CNTNAP2: variants seen among roughly 807,000 people sequenced by gnomAD.
CNTNAP2 encodes the protein contactin-associated protein-like 2.
CNTNAP2 carries 98 observed loss-of-function variants against 155.2 expected under a neutral mutation model. The ratio of observed to expected loss-of-function variants is 0.63; its 90% confidence interval spans 0.54 to 0.75. CNTNAP2 has a LOEUF of 0.75. Ranked by LOEUF, CNTNAP2 falls within the 30% of genes least tolerant of loss-of-function variation. The pLI is 0.00. For missense variants in CNTNAP2, 1,727 were observed against 1,688.1 expected (o/e 1.02, Z -0.40); for synonymous variants, 651 against 631.2 (o/e 1.03, Z -0.47).
intron 1 of CNTNAP2, among the ~76,000 whole-genome samples, chr7:146,408,098 G>T (rs1198113188): frequency 1.3e-5 from 2 of 152,062 alleles, no homozygotes; most frequent in Non-Finnish European, 2.9e-5. Context: ...ACTGTATGGG[G>T]AGTCAGAACC....
Position 147,402,967 on chromosome 7 carries a change from A to AAAAC in CNTNAP2, c.1670+7190_1670+7191insCAAA, listed in dbSNP as rs1554480198. On this transcript the variant is annotated intron_variant, in intron 10 of 23. Transcript: ENST00000361727. The stretch of plus-strand genomic sequence containing the variant: ...AAATAATCCTGAAAAAAAAAAAAAA[A>AAAAC]AAAACTAGTTTAGGTCAGACATGCC... Among the ~76,000 whole-genome samples the AAAAC allele has an allele frequency of 1.6e-3, 239 of 145,900 alleles. 4 individuals carry two copies. Among genetic ancestry groups the AAAAC allele is most frequent in the Middle Eastern group, 3.5e-3 (1 of 284 alleles).
At chr7:146,377,036 T>C (rs1795313533) in intron 1 of CNTNAP2, among the ~76,000 whole-genome samples, 1 of 152,168 alleles carries the variant, frequency 6.6e-6, no homozygotes, top group Non-Finnish European at 1.5e-5. Flanking sequence ...CATTCTTATA[T>C]AAAATATACA....
chr7:147,095,603 C>T, intron 4 of CNTNAP2, among the ~76,000 whole-genome samples: 1 of 151,806 alleles, frequency 6.6e-6, no homozygotes, highest in African/African-American at 2.4e-5. Flanking sequence ...GTTTCATTGT[C>T]TTTCATTGTT....
chr7:148,022,808 G>A (rs530401752), intron 15 of CNTNAP2, among the ~76,000 whole-genome samples: 1 of 152,166 alleles, frequency 6.6e-6, no homozygotes, highest in Non-Finnish European at 1.5e-5. Context: ...TAGCCACACC[G>A]TCTGCCCGAT....
At chr7:147,368,093 C>T (rs1230409455) in intron 9 of CNTNAP2, among the ~76,000 whole-genome samples, 2 of 43,766 alleles carry the variant, frequency 4.6e-5, no homozygotes, top group Non-Finnish European at 1.0e-4. Flanking sequence ...CTCTCTCTCT[C>T]TGTCACACAC....
intron 3 of CNTNAP2, among the ~76,000 whole-genome samples, chr7:146,939,966 G>A (rs1393081794): frequency 6.6e-6 from 1 of 151,910 alleles, no homozygotes; most frequent in Non-Finnish European, 1.5e-5. Flanking sequence ...CCGGACTAAT[G>A]CTTACAGCAG....
chr7:146,439,893 G>T (rs1306485760), intron 1 of CNTNAP2, among the ~76,000 whole-genome samples: 1 of 151,536 alleles, frequency 6.6e-6, no homozygotes, highest in East Asian at 1.9e-4. Context: ...GGAGGCCTAC[G>T]CCAGTGGATC....
intron 13 of CNTNAP2, among the ~76,000 whole-genome samples, chr7:147,703,730 T>G (rs1305669145): frequency 6.6e-6 from 1 of 152,216 alleles, no homozygotes. Flanking sequence ...TTCTCTCTTC[T>G]TGCTGTTTTG....
At chr7:147,457,652 T>A (rs180729780) in intron 10 of CNTNAP2, among the ~76,000 whole-genome samples, 5 of 152,112 alleles carry the variant, frequency 3.3e-5, no homozygotes, top group Non-Finnish European at 7.4e-5. Flanking sequence ...CCACGAGATA[T>A]TGGTTAAATA....
intron 12 of CNTNAP2, among the ~76,000 whole-genome samples, chr7:147,624,156 C>A (rs1301802516): frequency 1.3e-5 from 2 of 151,926 alleles, no homozygotes; most frequent in African/African-American, 2.4e-5. Flanking sequence ...GAATCTACTA[C>A]AAGAAAACAC....
intron 14 of CNTNAP2, among the ~76,000 whole-genome samples, chr7:147,949,455 TA>T (rs1414566290): frequency 0.04 from 5,669 of 141,418 alleles, 356 homozygotes; most frequent in African/African-American, 0.14. Context: ...TATATATATA[TA>T]TATTTTTTTT....
At chr7:147,984,187 G>T (rs747612084) in intron 15 of CNTNAP2, among the ~76,000 whole-genome samples, 11 of 152,174 alleles carry the variant, frequency 7.2e-5, no homozygotes, top group Non-Finnish European at 1.0e-4. Flanking sequence ...GGTCACTCTT[G>T]TCGCCATCTT....
chr7:147,547,490 C>T (rs893115146), intron 11 of CNTNAP2, among the ~76,000 whole-genome samples: 42 of 152,280 alleles, frequency 2.8e-4, no homozygotes, highest in African/African-American at 9.1e-4. Flanking sequence ...GGGGCAGCAG[C>T]GCTGTCTCCT....
chr7:146,825,475 A>C (rs544259546), intron 2 of CNTNAP2, among the ~76,000 whole-genome samples: 1 of 152,268 alleles, frequency 6.6e-6, no homozygotes, highest in Non-Finnish European at 1.5e-5. Context: ...GAGCACTCAT[A>C]AAAGGCATTT....
intron 1 of CNTNAP2, among the ~76,000 whole-genome samples, chr7:146,758,383 C>G (rs1233558987): frequency 6.6e-6 from 1 of 152,126 alleles, no homozygotes; most frequent in Non-Finnish European, 1.5e-5. Flanking sequence ...AGAGGTTATC[C>G]CAGGTGTGGT....
chr7:148,137,681 G>A lies in CNTNAP2; in HGVS notation c.2555-9810G>A, dbSNP rs1585146278. Among the ~76,000 whole-genome samples, 4 of 93,104 alleles carry A rather than the reference G, an allele frequency of 4.3e-5. No individual in the cohort carries two copies. The South Asian group carries it at 1.5e-3, about 35-fold the overall frequency. 61.1% of individuals were successfully genotyped at this position (93,104 alleles called of 152,430 possible). ...TATCTCAGAAAAAAAAGGAAGGAAG[G>A]AAGGAAGGAAGGAAGGAAGGAAGGA... On this transcript the variant is annotated intron_variant, in intron 16 of 23. Transcript: ENST00000361727.
At chr7:147,376,209 T>G (rs985738472) in intron 9 of CNTNAP2, among the ~76,000 whole-genome samples, 4 of 152,056 alleles carry the variant, frequency 2.6e-5, no homozygotes, top group African/African-American at 9.7e-5. Context: ...GTTTGTATGA[T>G]AACTCGGTAG....
At chr7:147,943,279 G>A (rs1563143015) in intron 14 of CNTNAP2, among the ~76,000 whole-genome samples, 1 of 152,074 alleles carries the variant, frequency 6.6e-6, no homozygotes, top group African/African-American at 2.4e-5. Context: ...TTTACTGTTG[G>A]CACACACGGC....
At chr7:146,912,595 A>G (rs760163763) in intron 3 of CNTNAP2, among the ~76,000 whole-genome samples, 47 of 152,140 alleles carry the variant, frequency 3.1e-4, no homozygotes, top group Admixed American at 5.9e-4. Flanking sequence ...TGCTAAGACC[A>G]TGTTTTATTT....
Sources: allele counts gnomAD v4.1 joint callset (sites outside exome capture counted in the v4.1 genomes callset), GRCh38; gene constraint gnomAD v4.1.1; transcripts MANE v1.5; gene names NCBI Gene and HGNC (gene_info 2026-07-23, HGNC 2026-07-21).